The following MYOCOS variants were observed in gnomAD, a reference collection of about 807,000 sequenced individuals.
MYOCOS encodes myocilin opposite strand, also known as myocilin opposite strand protein.
At chr1:171,626,404 T>A in intron 2 of MYOCOS, 50 bp from the exon 3 acceptor site, 1 of 398,232 alleles carries the variant, frequency 2.5e-6, no homozygotes, top group Non-Finnish European at 4.4e-6. Flanking sequence ...CTCTGTTTAT[T>A]TAAAACCCTA....
intron 1 of MYOCOS, among the ~76,000 whole-genome samples, chr1:171,605,571 G>A (rs932559274): frequency 3.3e-5 from 5 of 152,100 alleles, no homozygotes; most frequent in African/African-American, 1.2e-4. Context: ...TGCCTGATCA[G>A]TGGACAGGTA....
intron 2 of MYOCOS, among the ~76,000 whole-genome samples, chr1:171,617,059 GAA>G (rs1460859337): frequency 6.6e-6 from 1 of 152,122 alleles, no homozygotes; most frequent in Non-Finnish European, 1.5e-5. Flanking sequence ...CCCAGAGAGA[GAA>G]AGAGTTAAGC....
upstream of MYOCOS, among the ~76,000 whole-genome samples, chr1:171,617,950 C>T (rs1352980536): frequency 2.6e-5 from 4 of 152,082 alleles, no homozygotes; most frequent in African/African-American, 4.8e-5. Flanking sequence ...ACAGAGAACA[C>T]GGGCACAAAG....
upstream of MYOCOS, among the ~76,000 whole-genome samples, chr1:171,618,409 G>A (rs551474195): frequency 2.2e-4 from 33 of 152,316 alleles, no homozygotes; most frequent in Non-Finnish European, 3.2e-4. Flanking sequence ...AGTCACATTC[G>A]TGATAGCGAG....
chr1:171,623,954 G>A lies in MYOCOS; in HGVS notation c.71G>A (p.Arg24Lys). Reference sequence around the variant, plus strand: ...AAGGACTTGACCTCCGAGGTAACCAGGCGCCGAGTCACCATGATCACAAGG... The same window carrying A: ...AAGGACTTGACCTCCGAGGTAACCAAGCGCCGAGTCACCATGATCACAAGG... ...PYKDLTSEVT[R>K]RRVTMITRKE... The change falls in exon 2 of 3, where the codon AGG becomes AAG. Residue 24 changes from arginine (R) to lysine (K), a missense_variant. Coordinates refer to ENST00000637642, the MANE Select transcript of MYOCOS (RefSeq NM_001391940.1). 1 of 398,600 alleles carries A rather than the reference G, an allele frequency of 2.5e-6. No homozygotes were observed. Among genetic ancestry groups the A allele is most frequent in the Middle Eastern group, 6.3e-4 (1 of 1,588 alleles). 24.7% of individuals were successfully genotyped at this position (398,600 alleles called of 1,614,324 possible).
intron 2 of MYOCOS, among the ~76,000 whole-genome samples, chr1:171,625,618 A>T (rs1363857803): frequency 6.6e-6 from 1 of 152,158 alleles, no homozygotes; most frequent in African/African-American, 2.4e-5. Flanking sequence ...CCTGAGGAGG[A>T]TGGGGAGACT....
intron 1 of MYOCOS, chr1:171,604,075 T>C (rs1246167116): frequency 1.3e-5 from 2 of 151,620 alleles, no homozygotes; most frequent in Non-Finnish European, 2.9e-5. Context: ...ATAAACTGAG[T>C]AGAGGTGTTA....
intron 2 of MYOCOS, among the ~76,000 whole-genome samples, chr1:171,615,844 AAGCCCTTC>A (rs1407958349): frequency 6.6e-6 from 1 of 152,192 alleles, no homozygotes; most frequent in Non-Finnish European, 1.5e-5. Context: ...CAGCTGAATA[AAGCCCTTC>A]CTTCTACAAC....
Position 171,616,751 on chromosome 1 carries a change from C to T in MYOCOS, c.-44+1746C>T, listed in dbSNP as rs137873783. Among the ~76,000 whole-genome samples, 169 of 152,174 alleles carry T rather than the reference C, an allele frequency of 1.1e-3. 1 individual carries two copies. The highest frequency in any genetic ancestry group is 6.8e-3 in the Middle Eastern group (2 of 294). Reference sequence around the variant, plus strand: ...AGAGACAGATTGATGAATGTCATATCCTATAGATGGCATTGTAAGGAACAT... The same window carrying T: ...AGAGACAGATTGATGAATGTCATATTCTATAGATGGCATTGTAAGGAACAT... On this transcript the variant is annotated intron_variant, in intron 2 of 3. Transcript: ENST00000636697.
intron 1 of MYOCOS, among the ~76,000 whole-genome samples, chr1:171,610,025 C>T (rs960546702): frequency 2.0e-5 from 3 of 152,216 alleles, no homozygotes; most frequent in African/African-American, 4.8e-5. Context: ...ACAGGGATGC[C>T]TCACGTTATG....
chr1:171,610,751 C>G (rs1029224498), intron 1 of MYOCOS, among the ~76,000 whole-genome samples: 1 of 152,244 alleles, frequency 6.6e-6, no homozygotes, highest in Non-Finnish European at 1.5e-5. Context: ...GGGACACATT[C>G]AAACCATAGC....
intron 1 of MYOCOS, among the ~76,000 whole-genome samples, chr1:171,623,235 C>T (rs1652609303): frequency 6.6e-6 from 1 of 152,062 alleles, no homozygotes; most frequent in Non-Finnish European, 1.5e-5. Context: ...AGTAAAAGGA[C>T]ATCCCAAGGT....
chr1:171,626,797 T>C lies in MYOCOS; in HGVS notation c.*196T>C. ...TTTTTGGTTTTTTAATCCAAGTCTC[T>C]GATATGATATGCATATATTTTGATC... is the stretch of plus-strand genomic sequence containing the variant. On this transcript the variant is annotated 3_prime_UTR_variant, in exon 3 of 3. Coordinates refer to ENST00000637642, the MANE Select transcript of MYOCOS (RefSeq NM_001391940.1). 1 of 387,108 alleles carries C rather than the reference T, an allele frequency of 2.6e-6. No homozygotes were observed. Among genetic ancestry groups the C allele is most frequent in the Non-Finnish European group, 4.6e-6 (1 of 219,584 alleles). 24.0% of individuals were successfully genotyped at this position (387,108 alleles called of 1,614,324 possible). A position where few individuals can be genotyped will look rare whatever the true frequency, so the allele number is the denominator to read the frequency against.
chr1:171,614,706 A>G (rs1652417774), intron 1 of MYOCOS: 1 of 152,244 alleles, frequency 6.6e-6, no homozygotes, highest in Non-Finnish European at 1.5e-5. Flanking sequence ...TGGGAGCACC[A>G]TAGCATCCAC....
At chr1:171,625,369 G>A (rs1652674011) in intron 2 of MYOCOS, among the ~76,000 whole-genome samples, 1 of 152,200 alleles carries the variant, frequency 6.6e-6, no homozygotes, top group East Asian at 1.9e-4. Flanking sequence ...TGGCCAGATT[G>A]AAATTTAAAT....
At chr1:171,611,555 T>G (rs1405893876) in intron 1 of MYOCOS, among the ~76,000 whole-genome samples, 1 of 152,184 alleles carries the variant, frequency 6.6e-6, no homozygotes, top group Non-Finnish European at 1.5e-5. Context: ...ACAAAACATC[T>G]TTGTGAGTCA....
intron 2 of MYOCOS, among the ~76,000 whole-genome samples, chr1:171,624,882 C>A (rs1373025551): frequency 6.6e-6 from 1 of 152,006 alleles, no homozygotes; most frequent in Non-Finnish European, 1.5e-5. Context: ...CTGTGCCTGG[C>A]CCAAGATGAC....
At chr1:171,615,881 T>A in intron 2 of MYOCOS, among the ~76,000 whole-genome samples, 1 of 152,178 alleles carries the variant, frequency 6.6e-6, no homozygotes, top group African/African-American at 2.4e-5. Flanking sequence ...TGAGAGGTTT[T>A]GTCTGTGGCT....
intron 2 of MYOCOS, among the ~76,000 whole-genome samples, chr1:171,624,473 GTCTC>G (rs1490337379): frequency 2.9e-5 from 4 of 137,112 alleles, no homozygotes; most frequent in Non-Finnish European, 6.1e-5. Flanking sequence ...TTGAGACGGA[GTCTC>G]TCTCTGTCGC....
Sources: gnomAD v4.1 joint callset for allele counts (sites outside exome capture counted in the v4.1 genomes callset) on GRCh38, gnomAD v4.1.1 for gene constraint, MANE v1.5 for transcripts, NCBI Gene and HGNC (gene_info 2026-07-23, HGNC 2026-07-21) for gene names.